Variants in FHIT observed in about 807,000 individuals in gnomAD.
FHIT encodes the protein fragile histidine triad diadenosine triphosphatase.
FHIT carries 19 observed loss-of-function variants against 17.9 expected under a neutral mutation model. The ratio of observed to expected loss-of-function variants is 1.06; its 90% CI spans 0.74 to 1.56. The LOEUF is 1.56. Ranked by LOEUF, FHIT falls within the 40% of genes most tolerant of loss-of-function variation. The pLI is 0.00. For missense variants in FHIT, 248 were observed against 189.2 expected (o/e 1.31, Z -1.82); for synonymous variants, 81 against 69.7 (o/e 1.16, Z -0.81).
chr3:59,874,475 G>A (rs1181658244), intron 8 of FHIT, among the ~76,000 whole-genome samples: 1 of 152,184 alleles, frequency 6.6e-6, no homozygotes, highest in Non-Finnish European at 1.5e-5. Context: ...GGTCTAGGGT[G>A]AGGCACAATA....
chr3:59,805,798 A>G (rs1468078796), intron 8 of FHIT, among the ~76,000 whole-genome samples: 1 of 152,208 alleles, frequency 6.6e-6, no homozygotes, highest in Non-Finnish European at 1.5e-5. Flanking sequence ...CTGAGGCTTC[A>G]ATGAGGGTTA....
chr3:59,824,215 AAAG>A (rs776729176), intron 8 of FHIT, among the ~76,000 whole-genome samples: 4 of 152,204 alleles, frequency 2.6e-5, no homozygotes, highest in Non-Finnish European at 4.4e-5. Flanking sequence ...CTATATTTGG[AAAG>A]AAGGTTGGAG....
chr3:60,379,542 T>C (rs1046752965), intron 5 of FHIT, among the ~76,000 whole-genome samples: 8 of 152,196 alleles, frequency 5.3e-5, no homozygotes, highest in East Asian at 1.9e-4. Context: ...AACTGGAACA[T>C]TGAGTACTGT....
chr3:60,992,344 C>T (rs961913151), intron 3 of FHIT, among the ~76,000 whole-genome samples: 1 of 152,090 alleles, frequency 6.6e-6, no homozygotes. Flanking sequence ...ATCATCAAAC[C>T]ATATACTTAA....
chr3:61,151,716 T>A lies in FHIT; in HGVS notation c.-164+48901A>T, dbSNP rs562218409. Reference sequence around the variant, plus strand: ...AGCCATAGCTGGGATTACAGGCACATGCGGCCAAGCTTGGCTGATTTTTGT... The same window carrying A: ...AGCCATAGCTGGGATTACAGGCACAAGCGGCCAAGCTTGGCTGATTTTTGT... On this transcript the variant is annotated intron_variant, in intron 2 of 9. Coordinates refer to ENST00000492590, the MANE Select transcript of FHIT (RefSeq NM_002012.4). Among the ~76,000 whole-genome samples, 558 of 151,936 alleles carry A rather than the reference T, an allele frequency of 3.7e-3. 1 individual carries two copies. The highest frequency in any genetic ancestry group is 5.8e-3 in the Non-Finnish European group (393 of 67,954).
intron 5 of FHIT, among the ~76,000 whole-genome samples, chr3:60,320,251 C>T (rs1285475003): frequency 6.6e-6 from 1 of 152,120 alleles, no homozygotes; most frequent in African/African-American, 2.4e-5. Context: ...AGCTTCTAGA[C>T]AAAAGCATAC....
intron 8 of FHIT, among the ~76,000 whole-genome samples, chr3:59,902,145 C>T (rs1218038294): frequency 2.0e-5 from 3 of 152,036 alleles, no homozygotes; most frequent in Non-Finnish European, 2.9e-5. Context: ...GCAACGGACC[C>T]GCATGGATAT....
At chr3:59,905,623 G>A (rs1704550689) in intron 8 of FHIT, among the ~76,000 whole-genome samples, 1 of 152,096 alleles carries the variant, frequency 6.6e-6, no homozygotes, top group Non-Finnish European at 1.5e-5. Flanking sequence ...CAACCACTGT[G>A]GAGTCAATAG....
intron 3 of FHIT, among the ~76,000 whole-genome samples, chr3:60,861,323 T>G (rs1703875673): frequency 7.4e-6 from 1 of 135,308 alleles, no homozygotes; most frequent in South Asian, 2.3e-4. Flanking sequence ...CGAAGCTCAT[T>G]ACAGCAGTTA....
chr3:60,833,732 A>G (rs1294683821), intron 3 of FHIT, among the ~76,000 whole-genome samples: 1 of 152,176 alleles, frequency 6.6e-6, no homozygotes, highest in Admixed American at 6.5e-5. Context: ...CACATTCAAA[A>G]CACAGAATGT....
intron 6 of FHIT, among the ~76,000 whole-genome samples, chr3:60,012,665 A>T (rs553603721): frequency 7.7e-4 from 118 of 152,272 alleles, no homozygotes; most frequent in African/African-American, 2.4e-3. Flanking sequence ...ATATAGGCAT[A>T]TGCATATATT....
chr3:60,709,749 G>C (rs2041469115), intron 4 of FHIT, among the ~76,000 whole-genome samples: 1 of 152,064 alleles, frequency 6.6e-6, no homozygotes, highest in Admixed American at 6.6e-5. Flanking sequence ...CAAGCTCATG[G>C]TGGCATATCC....
At chr3:61,214,681 A>T (rs1308132381) in intron 1 of FHIT, among the ~76,000 whole-genome samples, 2 of 152,216 alleles carry the variant, frequency 1.3e-5, no homozygotes. Flanking sequence ...TCCTGATACC[A>T]AAGCCTGGCA....
chr3:61,034,393 C>G (rs529384830), intron 3 of FHIT, among the ~76,000 whole-genome samples: 2 of 152,162 alleles, frequency 1.3e-5, no homozygotes, highest in African/African-American at 4.8e-5. Context: ...CCAGAATATA[C>G]AGTATAAGAA....
chr3:60,032,300 A>G (rs1166336642), intron 5 of FHIT, among the ~76,000 whole-genome samples: 1 of 152,068 alleles, frequency 6.6e-6, no homozygotes, highest in Non-Finnish European at 1.5e-5. Flanking sequence ...TATCTAAAAA[A>G]AATTAGCTGG....
chr3:60,512,391 T>C (rs1376161639), intron 5 of FHIT, among the ~76,000 whole-genome samples: 2 of 152,186 alleles, frequency 1.3e-5, no homozygotes, highest in Non-Finnish European at 2.9e-5. Flanking sequence ...TGAATCAACA[T>C]GTTTCCACAT....
intron 5 of FHIT, among the ~76,000 whole-genome samples, chr3:60,023,048 A>C (rs941432394): frequency 6.6e-6 from 1 of 152,226 alleles, no homozygotes; most frequent in Non-Finnish European, 1.5e-5. Flanking sequence ...GAGAATGGGA[A>C]CACACCAATA....
intron 3 of FHIT, among the ~76,000 whole-genome samples, chr3:60,910,349 G>A (rs996865977): frequency 6.6e-6 from 1 of 152,002 alleles, no homozygotes. Context: ...TGTGAGGGGG[G>A]TGAGAGCAGA....
At chr3:60,220,099 T>TCATGTTTAGCC (rs879510139) in intron 5 of FHIT, among the ~76,000 whole-genome samples, 2 of 152,128 alleles carry the variant, frequency 1.3e-5, no homozygotes, top group African/African-American at 4.8e-5. Context: ...AGATCTAAAT[T>TCATGTTTAGCC]TCTATCAATA....
Sources: gnomAD v4.1 joint callset for allele counts (sites outside exome capture counted in the v4.1 genomes callset) on GRCh38, gnomAD v4.1.1 for gene constraint, MANE v1.5 for transcripts, NCBI Gene and HGNC (gene_info 2026-07-23, HGNC 2026-07-21) for gene names.